Variants in USH2A observed in about 807,000 individuals in gnomAD.
USH2A encodes the protein Usher syndrome 2A (autosomal recessive, mild).
USH2A carries 443 observed loss-of-function variants against 538.9 expected under a neutral mutation model. That is an observed-to-expected ratio of 0.82 (90% CI 0.76 to 0.89). The LOEUF (loss-of-function observed/expected upper bound fraction) is 0.89. Among genes scored for constraint, USH2A ranks in the 40% least tolerant of loss-of-function variants. The pLI, the probability that USH2A is intolerant of heterozygous loss-of-function variation, is 0.00. For synonymous variants in USH2A, 2,413 were observed against 2,273.5 expected, an observed-to-expected ratio of 1.06 and a Z score of -1.75; for missense variants, 6,633 against 6,324.8, an observed-to-expected ratio of 1.05 and a Z score of -1.65.
intron 11 of USH2A, among the ~76,000 whole-genome samples, chr1:216,285,564 C>T (rs2036865680): frequency 6.6e-6 from 1 of 152,214 alleles, no homozygotes; most frequent in Non-Finnish European, 1.5e-5. Flanking sequence ...CACACAGAGT[C>T]CCCACTGGGG....
intron 32 of USH2A, among the ~76,000 whole-genome samples, chr1:216,016,983 C>T (rs1246870688): frequency 2.6e-5 from 4 of 152,060 alleles, no homozygotes; most frequent in Admixed American, 2.6e-4. Context: ...AAAAGGCGTC[C>T]ATGAAAAACT....
intron 68 of USH2A, among the ~76,000 whole-genome samples, chr1:215,639,789 A>G (rs1259816935): frequency 1.3e-5 from 2 of 152,224 alleles, no homozygotes; most frequent in East Asian, 3.8e-4. Context: ...CCAGGTGACC[A>G]TGAACTGTAA....
chr1:216,028,319 C>T (rs539971170), intron 32 of USH2A, among the ~76,000 whole-genome samples: 9 of 151,916 alleles, frequency 5.9e-5, no homozygotes, highest in East Asian at 3.9e-4. Flanking sequence ...ACCCAGGAGG[C>T]GGGGTTGCAG....
chr1:216,023,457 G>GAAAAAAAAAA (rs1571897159), intron 32 of USH2A, among the ~76,000 whole-genome samples: 1 of 3,854 alleles, frequency 2.6e-4, no homozygotes, highest in Non-Finnish European at 4.9e-4. Flanking sequence ...GTTCAAAGCA[G>GAAAAAAAAAA]ACAAAAAAAA....
intron 4 of USH2A, among the ~76,000 whole-genome samples, chr1:216,363,911 A>T (rs911319634): frequency 4.6e-5 from 7 of 151,730 alleles, no homozygotes; most frequent in African/African-American, 9.7e-5. Context: ...ATCTCTAGCT[A>T]AAAATGTACT....
rs761092666 is a variant in USH2A at position 216,048,690 on chromosome 1, A to G, written c.6050-43T>C. 2.7e-6 allele frequency: 4 copies of G among 1,506,812 alleles called. No homozygotes were observed. The African/African-American group carries it at 5.5e-5, about 21-fold the overall frequency. The allele number at this position is 1,506,812 out of a possible 1,614,324, so 93.3% of individuals were successfully genotyped here. ...AAAAGAGGGTTGCGTGTTTACCATA[A>G]GCATCAATAAAGAGCATTGTGTGTA... On this transcript the variant is annotated intron_variant, in intron 30 of 71. Coordinates refer to ENST00000307340, the MANE Select transcript of USH2A (RefSeq NM_206933.4).
At chr1:216,307,193 A>G (rs1054748044) in intron 9 of USH2A, among the ~76,000 whole-genome samples, 2 of 152,126 alleles carry the variant, frequency 1.3e-5, no homozygotes, top group African/African-American at 4.8e-5. Context: ...AGGTAGGGTC[A>G]GGGTTAGGTG....
At chr1:216,393,569 C>T (rs1442367095) in intron 3 of USH2A, among the ~76,000 whole-genome samples, 9 of 151,542 alleles carry the variant, frequency 5.9e-5, no homozygotes, top group Non-Finnish European at 7.4e-5. Flanking sequence ...TTTATTTTCT[C>T]GTATATAAAA....
intron 64 of USH2A, among the ~76,000 whole-genome samples, chr1:215,670,564 C>T (rs1657781953): frequency 6.6e-6 from 1 of 152,094 alleles, no homozygotes; most frequent in Non-Finnish European, 1.5e-5. Flanking sequence ...CATTCTGTAT[C>T]TTTCTTGAGC....
At chr1:215,649,457 A>T (rs1308838460) in intron 65 of USH2A, among the ~76,000 whole-genome samples, 1 of 152,266 alleles carries the variant, frequency 6.6e-6, no homozygotes, top group African/African-American at 2.4e-5. Context: ...CATAAAGAAC[A>T]TATGATTAAG....
chr1:215,978,349 G>C (rs975314876), intron 35 of USH2A, among the ~76,000 whole-genome samples: 2 of 151,980 alleles, frequency 1.3e-5, no homozygotes, highest in Non-Finnish European at 2.9e-5. Flanking sequence ...ACCCCACTCT[G>C]GTCACTACTC....
rs1657914141 is a variant in USH2A at position 215,674,168 on chromosome 1, G to A, written c.13743C>T (p.His4581=). ...ELFERETKII[H]INTTHNSFGM... Reference sequence around the variant, plus strand: ...CAAAAGAATTATGAGTTGTGTTTATGTGTATGATTTTAGTTTCTCTTTCAA... The same window carrying A: ...CAAAAGAATTATGAGTTGTGTTTATATGTATGATTTTAGTTTCTCTTTCAA... Residue 4581 remains histidine (H), a synonymous_variant, in exon 63 of 72, where the codon CAC becomes CAT. Transcript: ENST00000307340. 1 of 1,614,132 alleles carries A rather than the reference G, an allele frequency of 6.2e-7. No individual in the cohort carries two copies. Among genetic ancestry groups the A allele is most frequent in the Non-Finnish European group, 8.5e-7 (1 of 1,180,010 alleles).
chr1:216,042,919 TGAG>T (rs1430574308), intron 32 of USH2A, among the ~76,000 whole-genome samples: 1 of 151,984 alleles, frequency 6.6e-6, no homozygotes, highest in African/African-American at 2.4e-5. Flanking sequence ...GCACCTACAG[TGAG>T]GAGGCCACTA....
At chr1:215,945,839 A>G (rs1666746508) in intron 37 of USH2A, among the ~76,000 whole-genome samples, 1 of 152,164 alleles carries the variant, frequency 6.6e-6, no homozygotes, top group Admixed American at 6.5e-5. Flanking sequence ...TTGCACTTGT[A>G]TTGATTTCAA....
chr1:216,368,879 T>C (rs1402897522), intron 3 of USH2A, among the ~76,000 whole-genome samples: 1 of 152,166 alleles, frequency 6.6e-6, no homozygotes, highest in Non-Finnish European at 1.5e-5. Context: ...GGAAGAGCAG[T>C]TTTATTAATT....
At chr1:215,722,976 C>G (rs146056831) in intron 61 of USH2A, among the ~76,000 whole-genome samples, 41 of 152,244 alleles carry the variant, frequency 2.7e-4, no homozygotes, top group African/African-American at 9.4e-4. Context: ...CCAACCTTGC[C>G]AGGAGTGTTC....
intron 3 of USH2A, among the ~76,000 whole-genome samples, chr1:216,389,842 T>A (rs1185243362): frequency 1.3e-5 from 2 of 152,158 alleles, no homozygotes; most frequent in Non-Finnish European, 2.9e-5. Context: ...TTCAGAACCA[T>A]TGGAAATAAT....
At chr1:216,115,117 G>A (rs1571972969) in intron 21 of USH2A, among the ~76,000 whole-genome samples, 1 of 3,454 alleles carries the variant, frequency 2.9e-4, no homozygotes, top group Non-Finnish European at 5.3e-4. Flanking sequence ...ATTTATTTTT[G>A]TTTTGTTTTG....
At chr1:215,879,969 T>C (rs1244567746) in intron 41 of USH2A, among the ~76,000 whole-genome samples, 1 of 152,198 alleles carries the variant, frequency 6.6e-6, no homozygotes, top group Non-Finnish European at 1.5e-5. Context: ...AATGCCAGGA[T>C]ATATATCTCA....
Sources: gnomAD v4.1 joint callset for allele counts (sites outside exome capture counted in the v4.1 genomes callset) on GRCh38, gnomAD v4.1.1 for gene constraint, MANE v1.5 for transcripts, NCBI Gene and HGNC (gene_info 2026-07-23, HGNC 2026-07-21) for gene names.